LY86: variants seen among roughly 807,000 people sequenced by gnomAD.
The protein encoded by LY86 is lymphocyte antigen 86.
In LY86, 20 loss-of-function variants were observed where a neutral mutation model predicts 17.3. That is an observed-to-expected ratio of 1.15 (90% CI 0.81 to 1.68). LY86 has a LOEUF of 1.68. LY86 is among the 40% of genes most tolerant of loss of function. LY86 has a pLI of 0.00. For synonymous variants in LY86, 74 were observed against 70.6 expected, an observed-to-expected ratio of 1.05 and a Z score of -0.24; for missense variants, 200 against 191.9, an observed-to-expected ratio of 1.04 and a Z score of -0.25.
chr6:6,605,094 G>A (rs904843858), intron 1 of LY86, among the ~76,000 whole-genome samples: 1 of 151,616 alleles, frequency 6.6e-6, no homozygotes. Flanking sequence ...AAGGGTACTT[G>A]AAATGACCCC....
intron 1 of LY86, among the ~76,000 whole-genome samples, chr6:6,591,840 A>G (rs1335577052): frequency 6.6e-6 from 1 of 152,192 alleles, no homozygotes; most frequent in Non-Finnish European, 1.5e-5. Flanking sequence ...GAGGGGTGAG[A>G]GGAGAAGTTT....
At chr6:6,615,719 C>CAAAAAAAAAAAAAAAAAAA (rs373207405) in intron 1 of LY86, among the ~76,000 whole-genome samples, 1 of 91,746 alleles carries the variant, frequency 1.1e-5, no homozygotes, top group African/African-American at 4.3e-5. Context: ...GATGTTGTCT[C>CAAAAAAAAAAAAAAAAAAA]AAAAAAAAAA....
intron 1 of LY86, among the ~76,000 whole-genome samples, chr6:6,620,695 C>T (rs1761653254): frequency 1.3e-5 from 2 of 152,250 alleles, no homozygotes; most frequent in African/African-American, 2.4e-5. Flanking sequence ...CTCCCCTCGA[C>T]AGCTGCCCAG....
chr6:6,605,044 TAG>T (rs1421319627), intron 1 of LY86, among the ~76,000 whole-genome samples: 73 of 142,600 alleles, frequency 5.1e-4, no homozygotes, highest in African/African-American at 1.8e-3. Context: ...AAAAAAAATC[TAG>T]AGTGTTTGCC....
chr6:6,614,499 C>A (rs1207597513), intron 1 of LY86, among the ~76,000 whole-genome samples: 3 of 152,050 alleles, frequency 2.0e-5, no homozygotes, highest in African/African-American at 7.3e-5. Context: ...ATACCAGGCT[C>A]TCTGGTCTTG....
At chr6:6,614,987 C>T (rs1029138623) in intron 1 of LY86, among the ~76,000 whole-genome samples, 2 of 152,172 alleles carry the variant, frequency 1.3e-5, no homozygotes, top group Admixed American at 6.5e-5. Context: ...CTTAACGCTT[C>T]ATAAATTCTG....
At chr6:6,629,104 C>A (rs1454901823) in intron 3 of LY86, among the ~76,000 whole-genome samples, 1 of 152,224 alleles carries the variant, frequency 6.6e-6, no homozygotes, top group Admixed American at 6.5e-5. Context: ...GAAGGTTGGA[C>A]AGCTCTGCAG....
chr6:6,611,784 G>A (rs1761343534), intron 1 of LY86, among the ~76,000 whole-genome samples: 2 of 143,016 alleles, frequency 1.4e-5, no homozygotes, highest in South Asian at 4.6e-4. Context: ...CTATCAAACA[G>A]TACGGGCTCA....
chr6:6,646,631 C>T (rs1762111987), intron 3 of LY86, among the ~76,000 whole-genome samples: 1 of 152,144 alleles, frequency 6.6e-6, no homozygotes, highest in African/African-American at 2.4e-5. Context: ...ATTCTAGCAC[C>T]TTGACTGCAA....
chr6:6,654,212 C>T (rs985651398), intron 4 of LY86, among the ~76,000 whole-genome samples: 9 of 152,236 alleles, frequency 5.9e-5, no homozygotes, highest in African/African-American at 2.2e-4. Flanking sequence ...ATGTCGTCGT[C>T]TCAGCAGGGC....
intron 1 of LY86, among the ~76,000 whole-genome samples, chr6:6,598,218 TAGC>T (rs1385225282): frequency 2.0e-5 from 3 of 152,214 alleles, no homozygotes; most frequent in Admixed American, 6.5e-5. Flanking sequence ...TAATCGAATA[TAGC>T]AGATTTTTTT....
At chr6:6,606,625 G>A (rs1761162998) in intron 1 of LY86, among the ~76,000 whole-genome samples, 1 of 152,234 alleles carries the variant, frequency 6.6e-6, no homozygotes, top group African/African-American at 2.4e-5. Flanking sequence ...ACGCGGGGAG[G>A]AAGCTAAGGC....
At chr6:6,588,906 G>A in intron 1 of LY86, 36 bp downstream of exon 1, 1 of 1,604,082 alleles carries the variant, frequency 6.2e-7, no homozygotes, top group Non-Finnish European at 8.5e-7. Flanking sequence ...GTGTTTATGG[G>A]GAAAGCAAGG....
chr6:6,599,912 A>G lies in LY86; in HGVS notation c.136+11042A>G, dbSNP rs182324684. On this transcript the variant is annotated intron_variant, in intron 1 of 4. Transcript: ENST00000230568. ...CCATCACATGAAGCAAACTCACCCA[A>G]TGTCAGGTGAAAGATGCTACATAAT... Among the ~76,000 whole-genome samples, 28 of 152,196 alleles carry G rather than the reference A, an allele frequency of 1.8e-4. No individual in the cohort carries two copies. In the East Asian group the frequency reaches 5.4e-3, roughly 29 times the overall value.
chr6:6,633,630 A>G (rs944465961), intron 3 of LY86, among the ~76,000 whole-genome samples: 18 of 152,056 alleles, frequency 1.2e-4, no homozygotes, highest in South Asian at 6.2e-4. Context: ...GTTTGCCCCA[A>G]TGTGTCCAAG....
chr6:6,644,620 A>G (rs1190591636), intron 3 of LY86, among the ~76,000 whole-genome samples: 1 of 150,848 alleles, frequency 6.6e-6, no homozygotes, highest in African/African-American at 2.5e-5. Context: ...TCAAAAAGAC[A>G]CTCAGTGACA....
chr6:6,646,350 G>T (rs978462933), intron 3 of LY86, among the ~76,000 whole-genome samples: 1 of 152,112 alleles, frequency 6.6e-6, no homozygotes, highest in Non-Finnish European at 1.5e-5. Context: ...CAGTGCTGGG[G>T]GATCACAGGG....
In LY86 at chr6:6,654,552, C is replaced by T; in HGVS notation, c.414C>T (p.Tyr138=). Residue 138 remains tyrosine (Y), a synonymous_variant, in exon 5 of 5, where the codon TAC becomes TAT. Transcript: ENST00000230568. ...ACCTGTGCCCCTTGCAGGGAGAATA[C>T]CAGGTTTTGCTGGAACTGTACACTG... The part of the protein sequence containing the change: ...NPEFTIPQGE[Y]QVLLELYTEK... 6.2e-7 allele frequency: 1 copy of T among 1,613,876 alleles called. No individual in the cohort carries two copies. The highest frequency in any genetic ancestry group is 2.2e-5 in the East Asian group (1 of 44,886).
At chr6:6,614,622 C>G (rs1230766960) in intron 1 of LY86, among the ~76,000 whole-genome samples, 2 of 152,156 alleles carry the variant, frequency 1.3e-5, no homozygotes, top group Non-Finnish European at 2.9e-5. Flanking sequence ...GCTCCCCATC[C>G]TCCGCTAGCT....
Sources: gnomAD v4.1 joint callset for allele counts (sites outside exome capture counted in the v4.1 genomes callset) on GRCh38, gnomAD v4.1.1 for gene constraint, MANE v1.5 for transcripts, NCBI Gene and HGNC (gene_info 2026-07-23, HGNC 2026-07-21) for gene names.